Variants in KLHL1 observed in about 807,000 individuals in gnomAD.
KLHL1 encodes the protein kelch like family member 1, also known as kelch-like protein 1.
Under a neutral mutation model 77.7 loss-of-function variants are expected in KLHL1, and 47 were observed. The observed-to-expected ratio is 0.60, with a 90% CI of 0.48 to 0.77. KLHL1 has a LOEUF of 0.77. Among genes scored for constraint, KLHL1 ranks in the 30% least tolerant of loss-of-function variants. The pLI is 0.00. For synonymous variants in KLHL1, 360 were observed against 325.2 expected, an observed-to-expected ratio of 1.11 and a Z score of -1.15; for missense variants, 925 against 910.8, an observed-to-expected ratio of 1.02 and a Z score of -0.20.
At chr13:70,087,402 C>A (rs1162248873) in intron 1 of KLHL1, among the ~76,000 whole-genome samples, 2 of 152,020 alleles carry the variant, frequency 1.3e-5, no homozygotes, top group East Asian at 3.9e-4. Context: ...AACAGTCAAC[C>A]AAGAGTAGTA....
intron 1 of KLHL1, among the ~76,000 whole-genome samples, chr13:70,003,823 T>C (rs1397182470): frequency 4.0e-5 from 6 of 151,632 alleles, no homozygotes; most frequent in Non-Finnish European, 8.9e-5. Context: ...GTAGACGAGA[T>C]TGTAGACAGG....
At chr13:69,766,952 A>G (rs543943594) in intron 7 of KLHL1, among the ~76,000 whole-genome samples, 1 of 152,350 alleles carries the variant, frequency 6.6e-6, no homozygotes, top group Non-Finnish European at 1.5e-5. Context: ...ATACTTTTAC[A>G]TATTTGGTTA....
chr13:69,784,881 C>CTT (rs1566250066), intron 7 of KLHL1, among the ~76,000 whole-genome samples: 4 of 110,882 alleles, frequency 3.6e-5, no homozygotes, highest in South Asian at 3.2e-4. Flanking sequence ...ACAGAATATA[C>CTT]ATTTTTTTTT....
chr13:69,934,076 T>C (rs1053777349), intron 4 of KLHL1, among the ~76,000 whole-genome samples: 1 of 152,172 alleles, frequency 6.6e-6, no homozygotes, highest in Non-Finnish European at 1.5e-5. Context: ...ATCACAGTTT[T>C]ATTGTTTTTA....
intron 1 of KLHL1, among the ~76,000 whole-genome samples, chr13:69,999,153 T>C (rs912605043): frequency 6.6e-6 from 1 of 152,086 alleles, no homozygotes; most frequent in Non-Finnish European, 1.5e-5. Flanking sequence ...TGTATATGTA[T>C]TATGTATTAT....
At chr13:70,017,793 A>AT (rs1885695577) in intron 1 of KLHL1, among the ~76,000 whole-genome samples, 1 of 152,236 alleles carries the variant, frequency 6.6e-6, no homozygotes, top group Admixed American at 6.5e-5. Flanking sequence ...CAAAAAAATT[A>AT]TGTAGAGCTT....
In KLHL1 at chr13:70,107,736, G is replaced by T. The variant is rs763743600; in HGVS notation, c.-37C>A. ...AGAAGGCAAAAGGCTGGCAGCTCAC[G>T]CAGGAGTAGGCTGGTCAGCAGGTGG... On this transcript the variant is annotated 5_prime_UTR_variant, in exon 1 of 11. Coordinates refer to ENST00000377844, the MANE Select transcript of KLHL1 (RefSeq NM_020866.3). 1.4e-6 allele frequency: 2 copies of T among 1,460,964 alleles called. No individual in the cohort carries two copies. Among genetic ancestry groups the T allele is most frequent in the Admixed American group, 2.4e-5 (1 of 41,232 alleles). The allele number at this position is 1,460,964 out of a possible 1,614,324, so 90.5% of individuals were successfully genotyped here.
intron 6 of KLHL1, among the ~76,000 whole-genome samples, chr13:69,812,114 G>A (rs1041602030): frequency 1.4e-4 from 21 of 151,986 alleles, no homozygotes; most frequent in African/African-American, 2.7e-4. Context: ...CTTTGTTCTC[G>A]TTGGTTTTAA....
chr13:69,898,768 T>C (rs939475960), intron 4 of KLHL1, among the ~76,000 whole-genome samples: 7 of 152,156 alleles, frequency 4.6e-5, no homozygotes, highest in Non-Finnish European at 7.4e-5. Context: ...TCTGACAAAT[T>C]AAAAATAAAA....
At chr13:69,823,266 G>A (rs918527490) in intron 6 of KLHL1, among the ~76,000 whole-genome samples, 3 of 152,040 alleles carry the variant, frequency 2.0e-5, no homozygotes, top group Non-Finnish European at 4.4e-5. Flanking sequence ...AATAGGAAAT[G>A]TTATTACTCT....
Position 70,101,545 on chromosome 13 carries a change from C to T in KLHL1, c.497+5658G>A, listed in dbSNP as rs544392036. On this transcript the variant is annotated intron_variant, in intron 1 of 10. Transcript: ENST00000377844. ...CAGGGTTCAAGCAATTATCCTGCCT[C>T]AGCCTCCCAAGGAGCTGGGATTACA... is the stretch of plus-strand genomic sequence containing the variant. Among the ~76,000 whole-genome samples the T allele has an allele frequency of 5.9e-5, 9 of 152,276 alleles. No individual in the cohort carries two copies. The South Asian group carries it at 1.7e-3, about 28-fold the overall frequency.
Position 69,961,232 on chromosome 13 carries a change from G to A in KLHL1, c.817+76C>T, listed in dbSNP as rs143262084. ...AATACAGAATTTTTTTTAAAAAAGC[G>A]TTAAATCCTGTACTTAAAGGAAATG... On this transcript the variant is annotated intron_variant, in intron 3 of 10. Transcript: ENST00000377844. 314 of 1,376,690 alleles carry A rather than the reference G, an allele frequency of 2.3e-4. No individual in the cohort carries two copies. The East Asian group carries it at 5.3e-3, about 23-fold the overall frequency. The allele number at this position is 1,376,690 out of a possible 1,614,324, so 85.3% of individuals were successfully genotyped here. A position where few individuals can be genotyped will look rare whatever the true frequency, so the allele number is the denominator to read the frequency against.
intron 1 of KLHL1, among the ~76,000 whole-genome samples, chr13:70,063,543 G>A (rs1470820249): frequency 2.0e-5 from 3 of 151,882 alleles, no homozygotes; most frequent in Non-Finnish European, 4.4e-5. Flanking sequence ...CACACATGAT[G>A]ATAATTTTCA....
At chr13:69,779,496 T>A (rs1010482312) in intron 7 of KLHL1, among the ~76,000 whole-genome samples, 2 of 151,846 alleles carry the variant, frequency 1.3e-5, no homozygotes, top group Admixed American at 6.6e-5. Flanking sequence ...CCTTTTCCCT[T>A]CTTTCCTGTC....
intron 6 of KLHL1, among the ~76,000 whole-genome samples, chr13:69,814,325 A>C (rs1350215370): frequency 1.3e-5 from 2 of 152,160 alleles, no homozygotes; most frequent in East Asian, 3.8e-4. Flanking sequence ...TCTTCTAGAC[A>C]TTTGCCAATA....
chr13:69,999,262 C>T (rs1885229046), intron 1 of KLHL1, among the ~76,000 whole-genome samples: 1 of 152,066 alleles, frequency 6.6e-6, no homozygotes, highest in African/African-American at 2.4e-5. Flanking sequence ...CCTGCCCATA[C>T]TTAAGCAGAG....
intron 4 of KLHL1, among the ~76,000 whole-genome samples, chr13:69,887,587 GTTC>G (rs1217728490): frequency 3.9e-5 from 6 of 152,156 alleles, no homozygotes; most frequent in African/African-American, 1.4e-4. Flanking sequence ...CCACTCACAA[GTTC>G]TTCTTTCCAC....
chr13:69,836,033 A>G (rs1432059600), intron 6 of KLHL1, among the ~76,000 whole-genome samples: 1 of 152,104 alleles, frequency 6.6e-6, no homozygotes, highest in Non-Finnish European at 1.5e-5. Flanking sequence ...GTTTTAAGAC[A>G]TTAGAGACTA....
At position 70,013,596 on chromosome 13, in the gene KLHL1, AT is replaced by A. The variant is rs566602427; in HGVS notation, c.498-37795del. Among the ~76,000 whole-genome samples, 29 of 151,638 alleles carry A rather than the reference AT, an allele frequency of 1.9e-4. No individual in the cohort carries two copies. In the South Asian group the frequency reaches 3.7e-3, roughly 20 times the overall value. The stretch of plus-strand genomic sequence containing the variant: ...ACTGTTTCTTGATTTTTAATAGTTA[AT>A]TTTTTTTTCTGAGTTGGTGAACAAA... On this transcript the variant is annotated intron_variant, in intron 1 of 10. Coordinates refer to ENST00000377844, the MANE Select transcript of KLHL1 (RefSeq NM_020866.3).
Sources: gnomAD v4.1 joint callset for allele counts (sites outside exome capture counted in the v4.1 genomes callset) on GRCh38, gnomAD v4.1.1 for gene constraint, MANE v1.5 for transcripts, NCBI Gene and HGNC (gene_info 2026-07-23, HGNC 2026-07-21) for gene names.